The following KIZ variants were observed in gnomAD, a reference collection of about 807,000 sequenced individuals.
KIZ encodes kizuna centrosomal protein, also known as centrosomal protein kizuna.
In KIZ, 68 loss-of-function variants were observed where a neutral mutation model predicts 79.6. The observed-to-expected ratio is 0.85, with a 90% CI of 0.70 to 1.05. KIZ has a LOEUF of 1.05. KIZ is among the 50% of genes least tolerant of loss of function. The probability of loss-of-function intolerance (pLI) is 0.00; values close to 1 mark genes in which losing one functional copy is unlikely to be tolerated. For missense variants in KIZ, 797 were observed against 800.4 expected (o/e 1.00, Z 0.05); for synonymous variants, 280 against 281.8 (o/e 0.99, Z 0.06).
chr20:21,241,600 A>C (rs1286413357), intron 11 of KIZ, among the ~76,000 whole-genome samples: 3 of 152,238 alleles, frequency 2.0e-5, no homozygotes, highest in African/African-American at 7.2e-5. Context: ...AAATGTTCTC[A>C]AAGCTACACT....
chr20:21,174,167 C>T (rs2034338909), intron 6 of KIZ, among the ~76,000 whole-genome samples: 3 of 152,198 alleles, frequency 2.0e-5, no homozygotes, highest in African/African-American at 7.2e-5. Context: ...TGCCAGAATG[C>T]ATGCTCTTAA....
intron 6 of KIZ, among the ~76,000 whole-genome samples, chr20:21,189,686 C>T (rs527493705): frequency 2.5e-4 from 38 of 152,318 alleles, no homozygotes; most frequent in African/African-American, 8.9e-4. Flanking sequence ...TTAGTACAGA[C>T]GGATGGTGCC....
Position 21,126,158 on chromosome 20 carries a change from G to T in KIZ, c.43G>T (p.Asp15Tyr). Residue 15 changes from aspartate (D) to tyrosine (Y), a missense_variant, in exon 1 of 13, where the codon GAC (aspartate) becomes TAC (tyrosine). Asp to Tyr is a radical substitution (Grantham distance 160, BLOSUM62 -3). Coordinates refer to ENST00000619189, the MANE Select transcript of KIZ (RefSeq NM_018474.6). Reference sequence around the variant, plus strand: ...ATCGGCCGTGCCCCTGTCGAGTCCCGACTACTACGAGAGGCTGGGCCAACT... The same window carrying T: ...ATCGGCCGTGCCCCTGTCGAGTCCCTACTACTACGAGAGGCTGGGCCAACT... ...LASAVPLSSP[D>Y]YYERLGQLQH... The T allele has an allele frequency of 6.6e-7, 1 of 1,510,446 alleles. No homozygotes were observed. The allele number at this position is 1,510,446 out of a possible 1,614,324, so 93.6% of individuals were successfully genotyped here. A position where few individuals can be genotyped will look rare whatever the true frequency, so the allele number is the denominator to read the frequency against.
chr20:21,131,300 C>T (rs533872456), intron 1 of KIZ, among the ~76,000 whole-genome samples: 1 of 152,342 alleles, frequency 6.6e-6, no homozygotes, highest in South Asian at 2.1e-4. Context: ...CTGAACAGCA[C>T]AGGTTCAGTC....
At chr20:21,134,172 T>C (rs1170821909) in intron 2 of KIZ, among the ~76,000 whole-genome samples, 1 of 152,126 alleles carries the variant, frequency 6.6e-6, no homozygotes, top group African/African-American at 2.4e-5. Context: ...ACAAAGGGTG[T>C]CTCATCCAGC....
intron 6 of KIZ, chr20:21,196,887 A>T (rs1372534156): frequency 6.6e-6 from 1 of 152,214 alleles, no homozygotes; most frequent in East Asian, 1.9e-4. Flanking sequence ...CCTCCAATAG[A>T]TGGACCACAT....
chr20:21,217,678 T>C (rs1049808610), intron 9 of KIZ, among the ~76,000 whole-genome samples: 3 of 152,202 alleles, frequency 2.0e-5, no homozygotes, highest in Admixed American at 2.0e-4. Flanking sequence ...AAAGCAGACA[T>C]ACTGCCCAAT....
At chr20:21,132,038 C>A in intron 1 of KIZ, 59 bp from the exon 2 acceptor site, 2 of 765,876 alleles carry the variant, frequency 2.6e-6, no homozygotes, top group South Asian at 1.7e-5. Flanking sequence ...AGAGCATGGT[C>A]TAAATCCAAC....
intron 7 of KIZ, among the ~76,000 whole-genome samples, chr20:21,209,040 G>A (rs1192333120): frequency 6.6e-6 from 1 of 152,170 alleles, no homozygotes; most frequent in African/African-American, 2.4e-5. Context: ...TTGGTTAAGA[G>A]TCTAATGAAG....
chr20:21,136,593 T>A, intron 3 of KIZ, 41 bp downstream of exon 3: 1 of 1,400,000 alleles, frequency 7.1e-7, no homozygotes, highest in Non-Finnish European at 9.5e-7. Context: ...TTATTTGTTG[T>A]TGTGTGTTTT....
chr20:21,142,142 G>C (rs1189852431), intron 3 of KIZ, among the ~76,000 whole-genome samples: 1 of 151,860 alleles, frequency 6.6e-6, no homozygotes, highest in African/African-American at 2.4e-5. Context: ...TGCACCCGCG[G>C]TGCTTTAAGC....
At chr20:21,133,596 G>A (rs535866561) in intron 2 of KIZ, among the ~76,000 whole-genome samples, 1 of 152,316 alleles carries the variant, frequency 6.6e-6, no homozygotes, top group East Asian at 1.9e-4. Context: ...CTGTTTCCTG[G>A]AAGACAGAGG....
At chr20:21,233,708 C>T (rs1221370214) in intron 11 of KIZ, among the ~76,000 whole-genome samples, 1 of 151,902 alleles carries the variant, frequency 6.6e-6, no homozygotes, top group Non-Finnish European at 1.5e-5. Flanking sequence ...ATGATTTGAA[C>T]CAGAAATGCT....
chr20:21,131,627 G>A lies in KIZ; in HGVS notation c.90-470G>A, dbSNP rs188031338. 3.0e-3 allele frequency among the ~76,000 whole-genome samples: 455 copies of A among 152,274 alleles called. 3 individuals are homozygous for A. The highest frequency in any genetic ancestry group is 0.01 in the African/African-American group (434 of 41,556). ...ACGTTACATTTTATATACTTATCTT[G>A]TTTATTATTGTCTGTCCTTCTCCCT... On this transcript the variant is annotated intron_variant, in intron 1 of 12. Coordinates refer to ENST00000619189, the MANE Select transcript of KIZ (RefSeq NM_018474.6).
chr20:21,184,145 TC>T (rs2034775336), intron 6 of KIZ, among the ~76,000 whole-genome samples: 1 of 149,478 alleles, frequency 6.7e-6, no homozygotes, highest in Non-Finnish European at 1.5e-5. Flanking sequence ...ATCCCTGACA[TC>T]TTTTTTTTTT....
intron 6 of KIZ, 46 bp downstream of exon 6, chr20:21,163,205 A>G (rs2033774978): frequency 7.8e-7 from 1 of 1,279,914 alleles, no homozygotes; most frequent in Non-Finnish European, 1.1e-6. Flanking sequence ...TTTTAATTGT[A>G]GACATTTCTA....
intron 3 of KIZ, chr20:21,138,990 C>T (rs2032360155): frequency 6.9e-6 from 1 of 145,338 alleles, no homozygotes; most frequent in African/African-American, 2.6e-5. Flanking sequence ...GGAAGTCTCC[C>T]ATCCAAGTAT....
chr20:21,214,469 T>G, intron 7 of KIZ, 66 bp from the exon 8 acceptor site: 35 of 1,156,388 alleles, frequency 3.0e-5, no homozygotes, highest in Non-Finnish European at 3.8e-5. Context: ...AGGCTATCTT[T>G]GAGACCAAGA....
chr20:21,187,094 C>T (rs1162269931), intron 6 of KIZ, among the ~76,000 whole-genome samples: 2 of 151,658 alleles, frequency 1.3e-5, no homozygotes, highest in African/African-American at 4.8e-5. Flanking sequence ...ACTTATATTC[C>T]AAAATCAAAA....
Sources: allele counts gnomAD v4.1 joint callset (sites outside exome capture counted in the v4.1 genomes callset), GRCh38; gene constraint gnomAD v4.1.1; transcripts MANE v1.5; gene names NCBI Gene and HGNC (gene_info 2026-07-23, HGNC 2026-07-21).